Variants in MYT1L observed in about 807,000 individuals in gnomAD.
The protein encoded by MYT1L is myelin transcription factor 1-like protein.
MYT1L carries 12 observed loss-of-function variants against 126.7 expected under a neutral mutation model. That is an observed-to-expected ratio of 0.09 (90% confidence interval 0.06 to 0.15). The LOEUF is 0.15. Ranked by LOEUF, MYT1L falls within the 10% of genes least tolerant of loss-of-function variation. The pLI, the probability that MYT1L is intolerant of heterozygous loss-of-function variation, is 1.00. For synonymous variants in MYT1L, 541 were observed against 604.2 expected, an observed-to-expected ratio of 0.90 and a Z score of 1.53; for missense variants, 979 against 1,585.2, an observed-to-expected ratio of 0.62 and a Z score of 6.49.
At chr2:2,252,864 T>G (rs1306274629) in intron 2 of MYT1L, among the ~76,000 whole-genome samples, 1 of 152,218 alleles carries the variant, frequency 6.6e-6, no homozygotes, top group African/African-American at 2.4e-5. Context: ...TAGAACATTC[T>G]GGGGCCTATA....
intron 2 of MYT1L, among the ~76,000 whole-genome samples, chr2:2,272,162 T>A (rs1204604207): frequency 6.7e-6 from 1 of 149,410 alleles, no homozygotes; most frequent in Non-Finnish European, 1.5e-5. Flanking sequence ...AAGCCGAAGA[T>A]GACAGGCACC....
At chr2:1,905,362 T>C (rs1028244911) in intron 13 of MYT1L, among the ~76,000 whole-genome samples, 2 of 152,082 alleles carry the variant, frequency 1.3e-5, no homozygotes, top group African/African-American at 4.8e-5. Flanking sequence ...ACAGTAATTT[T>C]TTTTTTTTTT....
At chr2:2,056,417 C>G (rs2069567920) in intron 3 of MYT1L, among the ~76,000 whole-genome samples, 1 of 152,160 alleles carries the variant, frequency 6.6e-6, no homozygotes, top group Non-Finnish European at 1.5e-5. Flanking sequence ...GATTTAAAAG[C>G]CACTGACAAA....
chr2:1,873,903 A>T (rs536030280), intron 18 of MYT1L, among the ~76,000 whole-genome samples: 8 of 152,348 alleles, frequency 5.3e-5, no homozygotes, highest in African/African-American at 1.9e-4. Flanking sequence ...AGTGTCTTCC[A>T]TCTAATGACC....
chr2:1,807,598 T>A (rs2035917175), intron 22 of MYT1L, among the ~76,000 whole-genome samples: 1 of 152,068 alleles, frequency 6.6e-6, no homozygotes, highest in Admixed American at 6.5e-5. Flanking sequence ...AAATTAGGGG[T>A]GCATCTTGCA....
chr2:2,032,538 T>C (rs972346694), intron 4 of MYT1L, among the ~76,000 whole-genome samples: 1 of 144,978 alleles, frequency 6.9e-6, no homozygotes, highest in Admixed American at 6.8e-5. Context: ...AGGAGGGCCT[T>C]ACACACATCC....
intron 3 of MYT1L, among the ~76,000 whole-genome samples, chr2:2,165,870 T>TA (rs200298248): frequency 2.0e-4 from 18 of 88,968 alleles, no homozygotes; most frequent in East Asian, 2.5e-4. Context: ...TTCTACTTTG[T>TA]AAATAATAAA....
At chr2:2,115,696 C>A (rs962403958) in intron 3 of MYT1L, among the ~76,000 whole-genome samples, 1 of 152,230 alleles carries the variant, frequency 6.6e-6, no homozygotes, top group African/African-American at 2.4e-5. Flanking sequence ...CGGTCTTGTG[C>A]GGCATCTAGA....
At chr2:2,287,321 A>G (rs2095536558) in intron 1 of MYT1L, among the ~76,000 whole-genome samples, 2 of 151,662 alleles carry the variant, frequency 1.3e-5, no homozygotes, top group Admixed American at 6.6e-5. Context: ...ACAAGACTTT[A>G]GGTATTAAAT....
intron 14 of MYT1L, among the ~76,000 whole-genome samples, chr2:1,895,111 C>A (rs1316210646): frequency 1.3e-5 from 2 of 152,084 alleles, no homozygotes; most frequent in Non-Finnish European, 1.5e-5. Flanking sequence ...TCACAGTAGC[C>A]ACAAAGAAAA....
At chr2:2,328,505 G>A (rs1267405398) in intron 1 of MYT1L, among the ~76,000 whole-genome samples, 6 of 152,092 alleles carry the variant, frequency 3.9e-5, no homozygotes, top group Admixed American at 2.6e-4. Flanking sequence ...CTCATATGTG[G>A]TCACAAATCA....
chr2:1,956,191 G>GTCTGTCTGTCTATCTATCTATCTA (rs1553354694), intron 8 of MYT1L, among the ~76,000 whole-genome samples: 10 of 145,876 alleles, frequency 6.9e-5, no homozygotes, highest in African/African-American at 2.1e-4. Flanking sequence ...TTACCTAGCT[G>GTCTGTCTGTCTATCTATCTATCTA]TCTATCTATC....
At chr2:2,095,973 C>T (rs1351148272) in intron 3 of MYT1L, among the ~76,000 whole-genome samples, 5 of 152,094 alleles carry the variant, frequency 3.3e-5, no homozygotes, top group Admixed American at 1.3e-4. Flanking sequence ...CGTGGACACG[C>T]GTGGGATGTT....
At chr2:2,185,369 GTAAC>G (rs2092001747) in intron 2 of MYT1L, among the ~76,000 whole-genome samples, 1 of 152,226 alleles carries the variant, frequency 6.6e-6, no homozygotes, top group Non-Finnish European at 1.5e-5. Context: ...TCAAATATGA[GTAAC>G]TCACCACAAA....
rs1558704505 is a variant in MYT1L, at chr2:2,004,928, A to ATGCG, written c.-157-7582_-157-7581insCGCA. Among the ~76,000 whole-genome samples the ATGCG allele has an allele frequency of 1.3e-4, 12 of 89,916 alleles. No homozygotes were observed. The East Asian group carries it at 4.8e-3, about 36-fold the overall frequency. The allele number at this position is 89,916 out of a possible 152,430, so 59.0% of individuals were successfully genotyped here. ...CCTGCATGCGTTCTTTCCTGCAGGC[A>ATGCG]TTCTTTCCTGCATGCGTTCTTTCCT... is the stretch of plus-strand genomic sequence containing the variant. On this transcript the variant is annotated intron_variant, in intron 4 of 24. Coordinates refer to ENST00000647738, the MANE Select transcript of MYT1L (RefSeq NM_001303052.2).
chr2:2,218,762 CAG>C (rs2093766059), intron 2 of MYT1L, among the ~76,000 whole-genome samples: 1 of 152,158 alleles, frequency 6.6e-6, no homozygotes, highest in South Asian at 2.1e-4. Flanking sequence ...TTTGGTGAAG[CAG>C]AGGAAACTGC....
Position 1,922,488 on chromosome 2 carries a change from G to A in MYT1L, c.1281C>T (p.Thr427=). ...TCTCCAGCAGGGTCAGGTTCCCCTT[G>A]GTCATGTCGAACACCTCTTCAGACC... ...SDRSEEVFDM[T]KGNLTLLEKA... The change falls in exon 10 of 25, where the codon ACC becomes ACT. Residue 427 remains threonine, a synonymous_variant. Coordinates refer to ENST00000647738, the MANE Select transcript of MYT1L (RefSeq NM_001303052.2). The surrounding 1 kb of genome is among the most constrained non-coding windows in gnomAD (Gnocchi z 7.4). 1 of 1,613,844 alleles carries A rather than the reference G, an allele frequency of 6.2e-7. No homozygotes were observed. Among genetic ancestry groups the A allele is most frequent in the Non-Finnish European group, 8.5e-7 (1 of 1,179,878 alleles).
chr2:2,228,415 T>C lies in MYT1L; in HGVS notation c.-420-55427A>G, dbSNP rs754880941. 6.3e-4 allele frequency among the ~76,000 whole-genome samples: 96 copies of C among 152,206 alleles called. No homozygotes were observed. Among genetic ancestry groups the C allele is most frequent in the Non-Finnish European group, 2.8e-4 (19 of 68,028 alleles). On this transcript the variant is annotated intron_variant, in intron 2 of 24. Coordinates refer to ENST00000647738, the MANE Select transcript of MYT1L (RefSeq NM_001303052.2). The surrounding 1 kb of genome is among the most constrained non-coding windows in gnomAD (Gnocchi z 5.9). ...GATTTTGAATACTGTAGTGAATGAA[T>C]GTCTTATCCAAAAGCAAACATTTTT...
intron 8 of MYT1L, among the ~76,000 whole-genome samples, chr2:1,945,443 G>A (rs984302010): frequency 1.3e-5 from 2 of 152,114 alleles, no homozygotes; most frequent in South Asian, 2.1e-4. Context: ...AGGGCCGTGA[G>A]GGAGCTCCTT....
Sources: allele counts gnomAD v4.1 joint callset (sites outside exome capture counted in the v4.1 genomes callset), GRCh38; gene constraint gnomAD v4.1.1; non-coding constraint Gnocchi (gnomAD v3.1); transcripts MANE v1.5; gene names NCBI Gene and HGNC (gene_info 2026-07-23, HGNC 2026-07-21).